Variants in HILPDA observed in about 807,000 individuals in gnomAD.
The protein encoded by HILPDA is hypoxia inducible lipid droplet associated.
For missense variants in HILPDA, 72 were observed against 73.5 expected, an observed-to-expected ratio of 0.98 and a Z score of 0.08; for synonymous variants, 37 against 33.2, an observed-to-expected ratio of 1.12 and a Z score of -0.40.
intron 1 of HILPDA, chr7:128,456,833 T>G (rs1202850668): frequency 6.5e-6 from 1 of 153,998 alleles, no homozygotes; most frequent in Non-Finnish European, 1.4e-5. Flanking sequence ...GGCTAATTTT[T>G]GTATTTGTAG....
At chr7:128,456,306 C>A in intron 1 of HILPDA, 1 of 264,470 alleles carries the variant, frequency 3.8e-6, no homozygotes, top group South Asian at 3.6e-5. Context: ...CAACACTTAG[C>A]GTGTTGCGTG....
rs1345618916 is a variant in HILPDA at position 128,457,216 on chromosome 7, C to T, written c.-53C>T. On this transcript the variant is annotated 5_prime_UTR_variant, in exon 2 of 2. Coordinates refer to ENST00000257696, the MANE Select transcript of HILPDA (RefSeq NM_013332.4). ...TTTTTCTCAGGGTCCAGAGGCCTTTCAGAAGGAGAAGGCAGCTCTGTTTCT... is the reference window on the plus strand; with the variant it reads ...TTTTTCTCAGGGTCCAGAGGCCTTTTAGAAGGAGAAGGCAGCTCTGTTTCT... 2.0e-6 allele frequency: 3 copies of T among 1,491,496 alleles called. No homozygotes were observed. In the African/African-American group the frequency reaches 4.2e-5, roughly 21 times the overall value. 92.4% of individuals were successfully genotyped at this position (1,491,496 alleles called of 1,614,324 possible).
At chr7:128,457,168 GCTAT>G in intron 1 of HILPDA, 29 bp from the exon 2 acceptor site, 1 of 998,266 alleles carries the variant, frequency 1.0e-6, no homozygotes, top group Non-Finnish European at 1.5e-6. Flanking sequence ...TCCCCAAAAG[GCTAT>G]AGATTCATCC....
intron 1 of HILPDA, chr7:128,456,746 C>T (rs149470219): frequency 0.017 from 2,625 of 154,528 alleles, 35 homozygotes; most frequent in Non-Finnish European, 0.025. Context: ...CTCACTGCAA[C>T]CTCTGCCTCC....
intron 1 of HILPDA, 97 bp from the exon 2 acceptor site, chr7:128,457,104 C>T: frequency 1.8e-6 from 1 of 542,728 alleles, no homozygotes; most frequent in East Asian, 2.8e-5. Flanking sequence ...ACTGGCTAAG[C>T]CTCTCCTTCA....
At position 128,457,484 on chromosome 7, in the gene HILPDA, A is replaced by G. The variant is rs113874870; in HGVS notation, c.*24A>G. 33 of 1,609,358 alleles carry G rather than the reference A, an allele frequency of 2.1e-5. 1 individual carries two copies. The highest frequency in any genetic ancestry group is 5.3e-5 in the African/African-American group (4 of 74,928). ...GATAAGACCTCCTTCCATACTGGCC[A>G]TATTTTGGAACACTGACCTAGACAT... On this transcript the variant is annotated 3_prime_UTR_variant, in exon 2 of 2. Transcript: ENST00000257696.
At chr7:128,457,089 C>T (rs748137528) in intron 1 of HILPDA, 112 bp from the exon 2 acceptor site, 9 of 503,258 alleles carry the variant, frequency 1.8e-5, no homozygotes, top group Non-Finnish European at 3.2e-5. Flanking sequence ...GTCCCTGTGT[C>T]CCTCACTGGC....
chr7:128,457,659 C>A lies in HILPDA; in HGVS notation c.*199C>A. 1.9e-6 allele frequency: 1 copy of A among 528,116 alleles called. No homozygotes were observed. Among genetic ancestry groups the A allele is most frequent in the South Asian group, 2.3e-5 (1 of 42,846 alleles). 32.7% of individuals were successfully genotyped at this position (528,116 alleles called of 1,614,324 possible). Reference sequence around the variant, plus strand: ...GGTTGCGGTGGCTCATGCCTGTAATCCTAGCACTTTGGGAGGCTGAGGTGG... The same window carrying A: ...GGTTGCGGTGGCTCATGCCTGTAATACTAGCACTTTGGGAGGCTGAGGTGG... On this transcript the variant is annotated 3_prime_UTR_variant, in exon 2 of 2. Coordinates refer to ENST00000257696, the MANE Select transcript of HILPDA (RefSeq NM_013332.4).
rs150915144 is a variant in HILPDA, at chr7:128,458,170, C to G, written c.*710C>G. On this transcript the variant is annotated 3_prime_UTR_variant, in exon 2 of 2. Transcript: ENST00000257696. Reference sequence around the variant, plus strand: ...TGCTCAATTATTTGGTGTTGAGCCTCTCTTCCACAAGAGCTCCTCCATGTT... The same window carrying G: ...TGCTCAATTATTTGGTGTTGAGCCTGTCTTCCACAAGAGCTCCTCCATGTT... The G allele has an allele frequency of 1.8e-5, 3 of 166,456 alleles. No homozygotes were observed. The highest frequency in any genetic ancestry group is 2.9e-5 in the Non-Finnish European group (2 of 68,106). 10.3% of individuals were successfully genotyped at this position (166,456 alleles called of 1,614,324 possible).
chr7:128,457,606 C>A lies in HILPDA; in HGVS notation c.*146C>A. ...TGAAGAACCTGTCTAACTGGATGCT[C>A]ATTGCCTGGGCAAGGCCTGTTTAGG... On this transcript the variant is annotated 3_prime_UTR_variant, in exon 2 of 2. Coordinates refer to ENST00000257696, the MANE Select transcript of HILPDA (RefSeq NM_013332.4). 2.5e-6 allele frequency: 2 copies of A among 793,344 alleles called. No individual in the cohort carries two copies. Among genetic ancestry groups the A allele is most frequent in the Non-Finnish European group, 4.0e-6 (2 of 494,028 alleles). 49.1% of individuals were successfully genotyped at this position (793,344 alleles called of 1,614,324 possible). A position where few individuals can be genotyped will look rare whatever the true frequency, so the allele number is the denominator to read the frequency against.
rs1040758218 is a variant in HILPDA at position 128,456,032 on chromosome 7, C to T, written c.-69+9C>T. 6.6e-6 allele frequency: 3 copies of T among 454,284 alleles called. No individual in the cohort carries two copies. The highest frequency in any genetic ancestry group is 1.3e-5 in the Non-Finnish European group (3 of 225,736). 28.1% of individuals were successfully genotyped at this position (454,284 alleles called of 1,614,324 possible). The stretch of plus-strand genomic sequence containing the variant: ...CGGCTGTTCCCCCGGAGGTGAGCGG[C>T]CCTGTGGGCTTCCCCGGCTCCCCAC... On this transcript the variant is annotated intron_variant, in intron 1 of 1. Coordinates refer to ENST00000257696, the MANE Select transcript of HILPDA (RefSeq NM_013332.4).
rs1799532657 is a variant in HILPDA, at chr7:128,455,911, T to G, written c.-181T>G. 4.4e-6 allele frequency: 2 copies of G among 456,570 alleles called. No homozygotes were observed. The highest frequency in any genetic ancestry group is 8.8e-6 in the Non-Finnish European group (2 of 226,972). 28.3% of individuals were successfully genotyped at this position (456,570 alleles called of 1,614,324 possible). ...CGGCTGACGGCGCTTTTGTCTCCGG[T>G]GAGTTTTGTGGCGGGAAGCTTCTGC... On this transcript the variant is annotated 5_prime_UTR_variant, in exon 1 of 2. Transcript: ENST00000257696.
rs1799557876 is a variant in HILPDA, at chr7:128,457,378, G to A, written c.110G>A (p.Gly37Glu). The change falls in exon 2 of 2, where the codon GGG (glycine) becomes GAG (glutamate). Residue 37 changes from glycine to glutamate, a missense_variant. Gly to Glu is a moderately conservative substitution (Grantham distance 98). Coordinates refer to ENST00000257696, the MANE Select transcript of HILPDA (RefSeq NM_013332.4). The stretch of plus-strand genomic sequence containing the variant: ...GGCTTACTAGAGAGCCCATCGCCTG[G>A]GACCTCCTGGACCACCAGAAGCCAA... ...LEGLLESPSP[G>E]TSWTTRSQLA... 3 of 1,613,994 alleles carry A rather than the reference G, an allele frequency of 1.9e-6. No homozygotes were observed. In the South Asian group the frequency reaches 3.3e-5, roughly 18 times the overall value.
rs1440978232 is a variant in HILPDA at position 128,457,909 on chromosome 7, C to A, written c.*449C>A. 1.3e-4 allele frequency: 22 copies of A among 167,254 alleles called. No individual in the cohort carries two copies. The highest frequency in any genetic ancestry group is 3.4e-4 in the South Asian group (2 of 5,968). 10.4% of individuals were successfully genotyped at this position (167,254 alleles called of 1,614,324 possible). On this transcript the variant is annotated 3_prime_UTR_variant, in exon 2 of 2. Coordinates refer to ENST00000257696, the MANE Select transcript of HILPDA (RefSeq NM_013332.4). ...TGGGCCACAGTGCAAGACTCCATCT[C>A]AAAAAAAAAAGAAAAGAAAAAGCCT...
intron 1 of HILPDA, chr7:128,456,439 AGAGTT>A (rs1298505214): frequency 1.3e-5 from 2 of 158,740 alleles, no homozygotes; most frequent in African/African-American, 4.8e-5. Flanking sequence ...TGACCCTCAT[AGAGTT>A]ATTTGGACTT....
In HILPDA at chr7:128,457,315, T is replaced by A. The variant is rs1261110905; in HGVS notation, c.47T>A (p.Leu16Gln). ...TACCTGTTAGGTGTGGTACTGACCC[T>A]ACTCTCCATCTTCGTTAGAGTGATG... ...NLYLLGVVLT[L>Q]LSIFVRVMES... Residue 16 changes from leucine to glutamine, a missense_variant, in exon 2 of 2, where the codon CTA becomes CAA. Physicochemically the swap from Leu to Gln is moderately radical, Grantham distance 113 (BLOSUM62 -2). Coordinates refer to ENST00000257696, the MANE Select transcript of HILPDA (RefSeq NM_013332.4). 1 of 1,614,114 alleles carries A rather than the reference T, an allele frequency of 6.2e-7. No individual in the cohort carries two copies. The highest frequency in any genetic ancestry group is 8.5e-7 in the Non-Finnish European group (1 of 1,179,982).
chr7:128,457,625 G>C lies in HILPDA; in HGVS notation c.*165G>C. 1 of 670,344 alleles carries C rather than the reference G, an allele frequency of 1.5e-6. No homozygotes were observed. The highest frequency in any genetic ancestry group is 2.5e-6 in the Non-Finnish European group (1 of 393,164). 41.5% of individuals were successfully genotyped at this position (670,344 alleles called of 1,614,324 possible). A position where few individuals can be genotyped will look rare whatever the true frequency, so the allele number is the denominator to read the frequency against. On this transcript the variant is annotated 3_prime_UTR_variant, in exon 2 of 2. Transcript: ENST00000257696. ...GATGCTCATTGCCTGGGCAAGGCCT[G>C]TTTAGGCCGGTTGCGGTGGCTCATG...
In HILPDA at chr7:128,457,305, G is replaced by A. The variant is rs143067864; in HGVS notation, c.37G>A (p.Val13Ile). 535 of 1,613,994 alleles carry A rather than the reference G, an allele frequency of 3.3e-4. 2 individuals carry two copies. Among genetic ancestry groups the A allele is most frequent in the African/African-American group, 3.2e-3 (237 of 75,028 alleles). The change falls in exon 2 of 2, where the codon GTA becomes ATA. Residue 13 changes from valine (V) to isoleucine (I), a missense_variant. Physicochemically the swap from Val to Ile is conservative, Grantham distance 29. Coordinates refer to ENST00000257696, the MANE Select transcript of HILPDA (RefSeq NM_013332.4). ...GTTGAACCTCTACCTGTTAGGTGTG[G>A]TACTGACCCTACTCTCCATCTTCGT... The part of the protein sequence containing the change: ...HVLNLYLLGV[V>I]LTLLSIFVRV...
At chr7:128,456,436 C>T (rs1233486415) in intron 1 of HILPDA, 2 of 159,384 alleles carry the variant, frequency 1.3e-5, no homozygotes, top group Admixed American at 6.4e-5. Flanking sequence ...ATTTGACCCT[C>T]ATAGAGTTAT....
Sources: allele counts gnomAD v4.1 joint callset, GRCh38; gene constraint gnomAD v4.1.1; transcripts MANE v1.5; gene names NCBI Gene and HGNC (gene_info 2026-07-23, HGNC 2026-07-21).